SLC25A21: variants seen among roughly 807,000 people sequenced by gnomAD.
The protein encoded by SLC25A21 is mitochondrial 2-oxodicarboxylate carrier.
SLC25A21 carries 47 observed loss-of-function variants against 43.8 expected under a neutral mutation model. That is an observed-to-expected ratio of 1.07 (90% CI 0.85 to 1.37). The LOEUF (loss-of-function observed/expected upper bound fraction) is 1.37, where lower values mean the gene tolerates loss of function less well. Among genes scored for constraint, SLC25A21 ranks in the 40% most tolerant of loss-of-function variants. SLC25A21 has a pLI of 0.00. For synonymous variants in SLC25A21, 131 were observed against 121.3 expected (o/e 1.08, Z -0.52); for missense variants, 352 against 350.2 (o/e 1.00, Z -0.04).
At chr14:37,132,155 C>T (rs1465287686) in intron 1 of SLC25A21, among the ~76,000 whole-genome samples, 3 of 152,116 alleles carry the variant, frequency 2.0e-5, no homozygotes, top group African/African-American at 7.2e-5. Flanking sequence ...CAAACTTATC[C>T]TTTTATCAGG....
chr14:36,721,997 C>T (rs569497160), intron 6 of SLC25A21, among the ~76,000 whole-genome samples: 9 of 152,290 alleles, frequency 5.9e-5, no homozygotes, highest in African/African-American at 2.2e-4. Flanking sequence ...CTATTCCAGT[C>T]TCCTCTCCAG....
At chr14:37,161,627 G>A (rs1963942272) in intron 1 of SLC25A21, among the ~76,000 whole-genome samples, 1 of 152,048 alleles carries the variant, frequency 6.6e-6, no homozygotes, top group Non-Finnish European at 1.5e-5. Flanking sequence ...TCCAATGACT[G>A]GTGTCCTTAT....
At chr14:36,922,708 A>G (rs1892015835) in intron 1 of SLC25A21, among the ~76,000 whole-genome samples, 1 of 152,098 alleles carries the variant, frequency 6.6e-6, no homozygotes. Flanking sequence ...CATGGAAAAC[A>G]TGGAACATTC....
At chr14:36,721,651 C>A (rs1884377478) in intron 6 of SLC25A21, among the ~76,000 whole-genome samples, 1 of 152,124 alleles carries the variant, frequency 6.6e-6, no homozygotes, top group African/African-American at 2.4e-5. Flanking sequence ...TTAGAAATTA[C>A]AGAGTAGGAA....
chr14:36,956,632 A>ATTAGG (rs1247296738), intron 1 of SLC25A21, among the ~76,000 whole-genome samples: 3 of 152,230 alleles, frequency 2.0e-5, no homozygotes, highest in African/African-American at 7.2e-5. Context: ...CTGGAGAGAG[A>ATTAGG]TTAGGTTCAT....
intron 1 of SLC25A21, among the ~76,000 whole-genome samples, chr14:36,898,848 A>G (rs1222318324): frequency 6.6e-6 from 1 of 152,180 alleles, no homozygotes; most frequent in Non-Finnish European, 1.5e-5. Context: ...GGATGAATAC[A>G]TTTTGAAAGG....
intron 3 of SLC25A21, among the ~76,000 whole-genome samples, chr14:36,749,544 T>TA (rs1277423576): frequency 1.3e-5 from 2 of 152,170 alleles, no homozygotes; most frequent in African/African-American, 4.8e-5. Flanking sequence ...AATGCCTTCC[T>TA]ATCTCCCTCA....
intron 1 of SLC25A21, among the ~76,000 whole-genome samples, chr14:37,107,246 T>C (rs1038801691): frequency 1.3e-4 from 20 of 152,230 alleles, no homozygotes; most frequent in Middle Eastern, 3.4e-3. Context: ...GGTATGATCA[T>C]GGCTCACTGC....
intron 1 of SLC25A21, among the ~76,000 whole-genome samples, chr14:37,115,190 TAAGA>T (rs1963085476): frequency 6.6e-6 from 1 of 152,130 alleles, no homozygotes; most frequent in South Asian, 2.1e-4. Flanking sequence ...CAAGCCTGGC[TAAGA>T]AAGGTGGCTC....
chr14:37,142,108 T>A (rs1963581694), intron 1 of SLC25A21, among the ~76,000 whole-genome samples: 1 of 152,202 alleles, frequency 6.6e-6, no homozygotes, highest in South Asian at 2.1e-4. Flanking sequence ...CCATTTATGG[T>A]GTGCTTAATT....
chr14:37,025,802 T>C (rs931982340), intron 1 of SLC25A21, among the ~76,000 whole-genome samples: 4 of 152,180 alleles, frequency 2.6e-5, no homozygotes, highest in African/African-American at 9.6e-5. Flanking sequence ...CTTGAGTTCC[T>C]TGCTGGAGAT....
At chr14:36,773,168 A>G (rs2138361157) in intron 3 of SLC25A21, among the ~76,000 whole-genome samples, 1 of 148,702 alleles carries the variant, frequency 6.7e-6, no homozygotes, top group South Asian at 2.2e-4. Context: ...TGCATGCACG[A>G]TGACAGATTT....
At chr14:36,711,249 A>G in intron 7 of SLC25A21, 69 bp downstream of exon 7, 1 of 1,442,684 alleles carries the variant, frequency 6.9e-7, no homozygotes. Context: ...CAGGATAAAC[A>G]TTCTACAAAC....
intron 2 of SLC25A21, among the ~76,000 whole-genome samples, chr14:36,855,152 G>C (rs1422816109): frequency 1.3e-5 from 2 of 152,070 alleles, no homozygotes; most frequent in Non-Finnish European, 2.9e-5. Context: ...GCCATGGCTT[G>C]GTAGTTTGTT....
intron 2 of SLC25A21, among the ~76,000 whole-genome samples, chr14:36,848,145 T>G (rs1181326307): frequency 6.6e-6 from 1 of 152,110 alleles, no homozygotes; most frequent in African/African-American, 2.4e-5. Flanking sequence ...CTGCTAAGTA[T>G]TACCCATCAG....
chr14:37,157,373 A>C (rs1003427617), intron 1 of SLC25A21, among the ~76,000 whole-genome samples: 1 of 152,186 alleles, frequency 6.6e-6, no homozygotes, highest in African/African-American at 2.4e-5. Context: ...AAAAGGAAAA[A>C]AAAAATCATA....
At chr14:36,834,369 T>C (rs1753085484) in intron 2 of SLC25A21, among the ~76,000 whole-genome samples, 1 of 152,192 alleles carries the variant, frequency 6.6e-6, no homozygotes, top group South Asian at 2.1e-4. Flanking sequence ...CAGACAGACC[T>C]GGGTTCAAAT....
At chr14:36,928,404 T>C (rs1892189806) in intron 1 of SLC25A21, among the ~76,000 whole-genome samples, 1 of 151,948 alleles carries the variant, frequency 6.6e-6, no homozygotes, top group South Asian at 2.1e-4. Context: ...CAATCAACTT[T>C]TATGGCAGGA....
chr14:37,171,930 G>C (rs1964136683), intron 1 of SLC25A21: 1 of 310,368 alleles, frequency 3.2e-6, no homozygotes, highest in South Asian at 7.9e-5. Context: ...AAGTCAGACC[G>C]AACTGGATCA....
Sources: allele counts gnomAD v4.1 joint callset (sites outside exome capture counted in the v4.1 genomes callset), GRCh38; gene constraint gnomAD v4.1.1; transcripts MANE v1.5; gene names NCBI Gene and HGNC (gene_info 2026-07-23, HGNC 2026-07-21).